MFSD8: variants seen among roughly 807,000 people sequenced by gnomAD.
MFSD8 encodes major facilitator superfamily domain containing 8, also known as major facilitator superfamily domain-containing protein 8.
MFSD8 carries 55 observed loss-of-function variants against 66.4 expected under a neutral mutation model. The observed-to-expected ratio is 0.83, with a 90% confidence interval of 0.67 to 1.04. The LOEUF (loss-of-function observed/expected upper bound fraction) is 1.04. MFSD8 is among the 50% of genes least tolerant of loss of function. The pLI is 0.00. For synonymous variants in MFSD8, 202 were observed against 212.8 expected (o/e 0.95, Z 0.44); for missense variants, 550 against 627.6 (o/e 0.88, Z 1.32).
chr4:127,921,491 T>C, intron 11 of MFSD8, 33 bp downstream of exon 11: 4 of 1,613,686 alleles, frequency 2.5e-6, no homozygotes, highest in Non-Finnish European at 3.4e-6. Context: ...AAGTATATTT[T>C]CTATAATTGC....
chr4:127,938,813 T>C lies in MFSD8; in HGVS notation c.724A>G (p.Arg242Gly). The change falls in exon 7 of 12, where the codon AGA becomes GGA. Residue 242 changes from arginine to glycine, a missense_variant. Transcript: ENST00000641686. ...TCAAAATTAATACTTTTACACTGTC[T>C]TCCTGAGTCATCCACACGATGTTCT... ...LREHRVDDSG[R>G]QCKSINFEEA... 2 of 1,610,848 alleles carry C rather than the reference T, an allele frequency of 1.2e-6. No individual in the cohort carries two copies. The highest frequency in any genetic ancestry group is 1.7e-6 in the Non-Finnish European group (2 of 1,177,842).
chr4:127,948,523 T>G (rs1741447069), intron 3 of MFSD8, among the ~76,000 whole-genome samples: 1 of 152,196 alleles, frequency 6.6e-6, no homozygotes, highest in Non-Finnish European at 1.5e-5. Flanking sequence ...TTTTAATAAA[T>G]TTTAACTCCT....
chr4:127,951,315 C>T (rs1168135640), intron 2 of MFSD8, among the ~76,000 whole-genome samples: 10 of 151,974 alleles, frequency 6.6e-5, no homozygotes, highest in African/African-American at 2.2e-4. Context: ...CTGCAACCTC[C>T]GACTCCTGGA....
rs777137519 is a variant in MFSD8, at chr4:127,947,898, A to ACACACTCTCT, written c.198+1905_198+1906insAGAGAGTGTG. ...CACACACACACACACACACACACACACTCTCTCTCCAACCTCATAGAAAAA... is the reference window on the plus strand; with the variant it reads ...CACACACACACACACACACACACACACACACTCTCTCTCTCTCTCCAACCTCATAGAAAAA... On this transcript the variant is annotated intron_variant, in intron 3 of 11. Coordinates refer to ENST00000641686, the MANE Select transcript of MFSD8 (RefSeq NM_001371596.2). 2.1e-4 allele frequency among the ~76,000 whole-genome samples: 31 copies of ACACACTCTCT among 146,938 alleles called. 1 individual carries two copies. In the East Asian group the frequency reaches 3.7e-3, roughly 17 times the overall value.
intron 5 of MFSD8, among the ~76,000 whole-genome samples, chr4:127,940,917 C>T (rs1740083334): frequency 6.6e-6 from 1 of 152,024 alleles, no homozygotes; most frequent in Admixed American, 6.6e-5. Context: ...AATGTTAGTG[C>T]TTGTTGAGGG....
chr4:127,921,638 C>G lies in MFSD8; in HGVS notation c.1236G>C (p.Pro412=), dbSNP rs767048437. The G allele has an allele frequency of 6.2e-7, 1 of 1,614,140 alleles. No individual in the cohort carries two copies. ...SIEQAWCLYT[P]VIHLAQFLTS... is the part of the protein sequence containing the mutation. ...TAAGGAACTGGGCCAGATGAATCACCGGGGTGTAGAGGCACCAGGCTTGTT... is the reference window on the plus strand; with the variant it reads ...TAAGGAACTGGGCCAGATGAATCACGGGGGTGTAGAGGCACCAGGCTTGTT... The change falls in exon 11 of 12, where the codon CCG becomes CCC. Residue 412 remains proline, a synonymous_variant. Transcript: ENST00000641686.
chr4:127,941,803 C>A (rs1349157218), intron 5 of MFSD8, among the ~76,000 whole-genome samples: 1 of 151,970 alleles, frequency 6.6e-6, no homozygotes, highest in African/African-American at 2.4e-5. Context: ...TGACCTTGGA[C>A]AATTTACTTA....
intron 7 of MFSD8, among the ~76,000 whole-genome samples, chr4:127,934,034 T>C (rs1738613593): frequency 6.6e-6 from 1 of 151,984 alleles, no homozygotes; most frequent in South Asian, 2.1e-4. Context: ...AGGTCAGAAG[T>C]TTGAGACCAG....
At chr4:127,957,747 T>C (rs1169304196) in intron 1 of MFSD8, among the ~76,000 whole-genome samples, 155 bp from the exon 2 acceptor site, 1 of 152,218 alleles carries the variant, frequency 6.6e-6, no homozygotes, top group Non-Finnish European at 1.5e-5. Flanking sequence ...TGAATAAGCA[T>C]TATTTTTTTG....
intron 1 of MFSD8, among the ~76,000 whole-genome samples, chr4:127,959,832 G>C (rs962031051): frequency 9.9e-5 from 15 of 152,114 alleles, no homozygotes; most frequent in South Asian, 4.1e-4. Flanking sequence ...CCTTGTTGGA[G>C]ACAGTAGAAA....
At chr4:127,924,194 T>C (rs1736822925) in intron 9 of MFSD8, among the ~76,000 whole-genome samples, 1 of 152,196 alleles carries the variant, frequency 6.6e-6, no homozygotes, top group Admixed American at 6.5e-5. Context: ...AATTCAGGGA[T>C]TCGACTTCTT....
rs747197852 is a variant in MFSD8, at chr4:127,921,767, C to G, written c.1107G>C (p.Leu369Phe). 21 of 1,613,944 alleles carry G rather than the reference C, an allele frequency of 1.3e-5. No homozygotes were observed. Among genetic ancestry groups the G allele is most frequent in the Admixed American group, 3.3e-5 (2 of 59,980 alleles). ...NQFPKIQWED[L>F]HNNSIPNTTF... ...TGGTATTAGGGATTGAATTATTGTG[C>G]AAATCTGTAAAAACAAAACCATTGC... Residue 369 changes from leucine (L) to phenylalanine (F), a missense_variant, in exon 11 of 12, where the codon TTG (leucine) becomes TTC (phenylalanine). By Grantham distance (22) the Leu-to-Phe change is conservative (BLOSUM62 0). Transcript: ENST00000641686.
intron 2 of MFSD8, 138 bp from the exon 3 acceptor site, chr4:127,949,985 C>T (rs1295054773): frequency 1.6e-6 from 1 of 626,442 alleles, no homozygotes; most frequent in African/African-American, 1.9e-5. Flanking sequence ...ATTTATGAGG[C>T]AATGAGATTT....
intron 1 of MFSD8, among the ~76,000 whole-genome samples, chr4:127,958,733 A>G (rs554695838): frequency 6.6e-6 from 1 of 152,312 alleles, no homozygotes; most frequent in Admixed American, 6.5e-5. Context: ...AAAACCAGAT[A>G]TATCTAAGTT....
chr4:127,943,548 A>T (rs1375678070), intron 4 of MFSD8: 2 of 568,582 alleles, frequency 3.5e-6, no homozygotes, highest in Non-Finnish European at 6.1e-6. Flanking sequence ...ATGAAGAATG[A>T]TGAGAACAGA....
intron 5 of MFSD8, among the ~76,000 whole-genome samples, chr4:127,941,495 G>A (rs184544271): frequency 2.0e-5 from 3 of 151,984 alleles, no homozygotes; most frequent in African/African-American, 2.4e-5. Context: ...AGAGTCTCGC[G>A]CTTGTTGCCC....
At chr4:127,932,553 C>T (rs1023314815) in intron 8 of MFSD8, 1 of 152,460 alleles carries the variant, frequency 6.6e-6, no homozygotes, top group African/African-American at 2.4e-5. Flanking sequence ...GTCAATAAAG[C>T]CTGCACAAGG....
At chr4:127,941,557 G>C (rs1489937064) in intron 5 of MFSD8, among the ~76,000 whole-genome samples, 1 of 152,120 alleles carries the variant, frequency 6.6e-6, no homozygotes, top group East Asian at 1.9e-4. Flanking sequence ...CTGCCTCCGA[G>C]TTCAAGCGAT....
At position 127,965,155 on chromosome 4, in the gene MFSD8, T is replaced by C. The variant is rs769126800; in HGVS notation, c.-22A>G. On this transcript the variant is annotated 5_prime_UTR_variant, in exon 1 of 12. Transcript: ENST00000641686. ...CCATAGTTACACTCCCTACAAGGCG[T>C]CTTGCGCCCAACTCTCGCGACACCT... 6.2e-7 allele frequency: 1 copy of C among 1,613,724 alleles called. No homozygotes were observed. Among genetic ancestry groups the C allele is most frequent in the Non-Finnish European group, 8.5e-7 (1 of 1,179,960 alleles).
Sources: gnomAD v4.1 joint callset for allele counts (sites outside exome capture counted in the v4.1 genomes callset) on GRCh38, gnomAD v4.1.1 for gene constraint, MANE v1.5 for transcripts, NCBI Gene and HGNC (gene_info 2026-07-23, HGNC 2026-07-21) for gene names.